Variants in GIPC2 observed in about 807,000 individuals in gnomAD.
GIPC2 encodes the protein GIPC PDZ domain containing family member 2.
Under a neutral mutation model 30.6 loss-of-function variants are expected in GIPC2, and 30 were observed. That is an observed-to-expected ratio of 0.98 (90% CI 0.73 to 1.33). The LOEUF (loss-of-function observed/expected upper bound fraction) is 1.33. Among genes scored for constraint, GIPC2 ranks in the 40% most tolerant of loss-of-function variants. The probability of loss-of-function intolerance (pLI) is 0.00; values close to 1 mark genes in which losing one functional copy is unlikely to be tolerated. For synonymous variants in GIPC2, 167 were observed against 150.0 expected, an observed-to-expected ratio of 1.11 and a Z score of -0.83; for missense variants, 414 against 390.3, an observed-to-expected ratio of 1.06 and a Z score of -0.51.
At chr1:78,068,243 C>T (rs374268635) in intron 1 of GIPC2, among the ~76,000 whole-genome samples, 1 of 152,168 alleles carries the variant, frequency 6.6e-6, no homozygotes, top group Non-Finnish European at 1.5e-5. Context: ...CTACTTCTTT[C>T]CCCCACTGAA....
chr1:78,134,721 G>A (rs1253088191), intron 5 of GIPC2, among the ~76,000 whole-genome samples: 1 of 152,112 alleles, frequency 6.6e-6, no homozygotes, highest in African/African-American at 2.4e-5. Context: ...ATACAAACTT[G>A]GATTAGTTCA....
chr1:78,084,510 C>A (rs1384673321), intron 2 of GIPC2, among the ~76,000 whole-genome samples: 88 of 128,892 alleles, frequency 6.8e-4, no homozygotes, highest in South Asian at 1.5e-3. Flanking sequence ...GACTCTGTCT[C>A]AAAAAAAAAA....
intron 2 of GIPC2, among the ~76,000 whole-genome samples, chr1:78,092,999 T>C (rs1020881627): frequency 3.3e-5 from 5 of 152,208 alleles, no homozygotes; most frequent in Non-Finnish European, 7.3e-5. Flanking sequence ...AGTCTTTAAC[T>C]TTTATATAAT....
chr1:78,099,532 A>G (rs1571507188), intron 3 of GIPC2, among the ~76,000 whole-genome samples: 1 of 150,526 alleles, frequency 6.6e-6, no homozygotes, highest in Admixed American at 6.6e-5. Flanking sequence ...TCCGCCTCCC[A>G]GGTTCAAGCG....
At chr1:78,116,273 C>A (rs1422110030) in intron 3 of GIPC2, among the ~76,000 whole-genome samples, 1 of 152,180 alleles carries the variant, frequency 6.6e-6, no homozygotes, top group Non-Finnish European at 1.5e-5. Flanking sequence ...GTCTCTCCCT[C>A]CACATGTGGG....
At chr1:78,048,784 T>G (rs1216465234) in intron 1 of GIPC2, among the ~76,000 whole-genome samples, 1 of 152,094 alleles carries the variant, frequency 6.6e-6, no homozygotes, top group East Asian at 1.9e-4. Flanking sequence ...CAGCAATAGC[T>G]TGGTAGCCAC....
intron 2 of GIPC2, among the ~76,000 whole-genome samples, chr1:78,082,038 C>T (rs771149138): frequency 7.9e-5 from 12 of 152,140 alleles, no homozygotes; most frequent in Admixed American, 2.0e-4. Flanking sequence ...CATCTATTGC[C>T]ATGAACTTCA....
At chr1:78,105,479 G>A (rs1662328059) in intron 3 of GIPC2, among the ~76,000 whole-genome samples, 1 of 151,850 alleles carries the variant, frequency 6.6e-6, no homozygotes, top group South Asian at 2.1e-4. Context: ...GTAGAGACGG[G>A]GTTTCACCAT....
chr1:78,121,971 A>G (rs1398281413), intron 4 of GIPC2, among the ~76,000 whole-genome samples: 1 of 152,168 alleles, frequency 6.6e-6, no homozygotes, highest in Admixed American at 6.5e-5. Flanking sequence ...ACAGCTCACA[A>G]AGGAAGCAGG....
At chr1:78,088,606 A>T (rs761344087) in intron 2 of GIPC2, among the ~76,000 whole-genome samples, 7 of 152,166 alleles carry the variant, frequency 4.6e-5, no homozygotes, top group Non-Finnish European at 8.8e-5. Flanking sequence ...ACTTGACCCC[A>T]GTCATAGTGA....
At chr1:78,104,427 T>C (rs1002415772) in intron 3 of GIPC2, among the ~76,000 whole-genome samples, 1 of 152,078 alleles carries the variant, frequency 6.6e-6, no homozygotes, top group African/African-American at 2.4e-5. Context: ...TTAGATGATA[T>C]TAGAACTGAA....
chr1:78,068,371 T>A (rs1661559722), intron 1 of GIPC2, among the ~76,000 whole-genome samples: 2 of 152,246 alleles, frequency 1.3e-5, no homozygotes, highest in African/African-American at 4.8e-5. Flanking sequence ...TTGGGGCATG[T>A]GGGGAAGATT....
chr1:78,097,182 T>A (rs968451366), intron 3 of GIPC2, among the ~76,000 whole-genome samples: 2 of 152,180 alleles, frequency 1.3e-5, no homozygotes, highest in South Asian at 4.1e-4. Flanking sequence ...TCTAATCTTA[T>A]CTTTTGCTAT....
intron 1 of GIPC2, among the ~76,000 whole-genome samples, chr1:78,052,028 A>G (rs1005789254): frequency 4.6e-5 from 7 of 152,180 alleles, no homozygotes; most frequent in African/African-American, 1.7e-4. Flanking sequence ...AAATACTATG[A>G]TGGGCTACGG....
At chr1:78,072,514 C>T (rs1029004924) in intron 1 of GIPC2, among the ~76,000 whole-genome samples, 1 of 152,136 alleles carries the variant, frequency 6.6e-6, no homozygotes, top group African/African-American at 2.4e-5. Flanking sequence ...TTAGGTAGAG[C>T]TGATCCTTTC....
At chr1:78,119,057 C>T (rs1462220269) in intron 3 of GIPC2, among the ~76,000 whole-genome samples, 1 of 151,688 alleles carries the variant, frequency 6.6e-6, no homozygotes, top group Admixed American at 6.6e-5. Context: ...GATTCTTTCC[C>T]TTTTTTTGTG....
intron 1 of GIPC2, among the ~76,000 whole-genome samples, chr1:78,074,585 A>C (rs764093179): frequency 7.9e-5 from 12 of 152,212 alleles, no homozygotes; most frequent in Non-Finnish European, 1.6e-4. Flanking sequence ...TTACGTGAGG[A>C]TCAAGGAGGC....
intron 4 of GIPC2, among the ~76,000 whole-genome samples, chr1:78,123,793 A>T (rs551902543): frequency 1.3e-5 from 2 of 152,332 alleles, no homozygotes; most frequent in East Asian, 3.9e-4. Flanking sequence ...TTGTCACCGT[A>T]ACTTAAAACG....
intron 4 of GIPC2, among the ~76,000 whole-genome samples, chr1:78,123,843 A>G (rs1236022462): frequency 6.6e-6 from 1 of 152,268 alleles, no homozygotes; most frequent in Non-Finnish European, 1.5e-5. Flanking sequence ...GTTAATTTGC[A>G]TAGCCTGTTG....
Sources: allele counts gnomAD v4.1 joint callset (sites outside exome capture counted in the v4.1 genomes callset), GRCh38; gene constraint gnomAD v4.1.1; transcripts MANE v1.5; gene names NCBI Gene and HGNC (gene_info 2026-07-23, HGNC 2026-07-21).